Variants in CDH11 observed in about 807,000 individuals in gnomAD.
CDH11 encodes cadherin 11.
In CDH11, 11 loss-of-function variants were observed where a neutral mutation model predicts 67.8. The observed-to-expected ratio is 0.16, with a 90% CI of 0.10 to 0.27. The LOEUF is 0.27. CDH11 is among the 10% of genes least tolerant of loss of function. The pLI is 1.00. For synonymous variants in CDH11, 419 were observed against 400.0 expected (o/e 1.05, Z -0.57); for missense variants, 847 against 1,031.2 (o/e 0.82, Z 2.45).
At chr16:65,095,658 C>G (rs2074877236) in intron 1 of CDH11, among the ~76,000 whole-genome samples, 1 of 152,098 alleles carries the variant, frequency 6.6e-6, no homozygotes, top group Admixed American at 6.5e-5. Context: ...AGCTACAATC[C>G]CATCTGTGGA....
chr16:65,008,929 A>AT, intron 2 of CDH11, among the ~76,000 whole-genome samples: 1 of 152,132 alleles, frequency 6.6e-6, no homozygotes, highest in Non-Finnish European at 1.5e-5. Flanking sequence ...CATGTTTTCC[A>AT]TGAGTTGAGT....
At chr16:65,100,655 G>A (rs956244179) in intron 1 of CDH11, among the ~76,000 whole-genome samples, 10 of 150,760 alleles carry the variant, frequency 6.6e-5, no homozygotes, top group Non-Finnish European at 1.3e-4. Context: ...GGAGAATGAC[G>A]TGAACCCAGG....
rs2071160203 is a variant in CDH11 at position 64,944,424 on chromosome 16, G to GCT, written c.*3178_*3179insAG. On this transcript the variant is annotated 3_prime_UTR_variant, in exon 13 of 13. Coordinates refer to ENST00000268603, the MANE Select transcript of CDH11 (RefSeq NM_001797.4). The stretch of plus-strand genomic sequence containing the variant: ...TTGACCTTTGCAAAAGCCCTCCTGG[G>GCT]GCACACCTCTGGGTTTATATGCTCC... The GCT allele has an allele frequency of 4.3e-6, 1 of 232,700 alleles. No homozygotes were observed. Among genetic ancestry groups the GCT allele is most frequent in the East Asian group, 6.1e-5 (1 of 16,518 alleles). 14.4% of individuals were successfully genotyped at this position (232,700 alleles called of 1,614,324 possible).
At chr16:64,951,110 A>G (rs1350291821) in intron 11 of CDH11, 92 bp from the exon 12 acceptor site, 3 of 1,275,572 alleles carry the variant, frequency 2.4e-6, no homozygotes, top group Non-Finnish European at 3.3e-6. Flanking sequence ...GCACTCTCTT[A>G]TCATAAAGGT....
intron 1 of CDH11, 33 bp from the exon 2 acceptor site, chr16:65,053,961 G>A: frequency 2.2e-6 from 1 of 455,624 alleles, no homozygotes; most frequent in South Asian, 1.6e-5. Context: ...TAGTAACCTA[G>A]TGGTGCCATG....
In CDH11 at chr16:65,099,975, G is replaced by A. The variant is rs373776025; in HGVS notation, c.-298+21905C>T. ...AGAGGGCAGTTAGGAGATTAAGGAC[G>A]CATCTCAGAAGAGAAATGATAAGGG... is the stretch of plus-strand genomic sequence containing the variant. On this transcript the variant is annotated intron_variant, in intron 1 of 12. Transcript: ENST00000268603. Among the ~76,000 whole-genome samples, 67 of 152,258 alleles carry A rather than the reference G, an allele frequency of 4.4e-4. No individual in the cohort carries two copies. The South Asian group carries it at 0.013, about 29-fold the overall frequency.
At chr16:65,065,696 A>G (rs2074302137) in intron 1 of CDH11, among the ~76,000 whole-genome samples, 1 of 152,322 alleles carries the variant, frequency 6.6e-6, no homozygotes, top group Non-Finnish European at 1.5e-5. Context: ...GAGGTGAAGG[A>G]AGGAGATAGA....
intron 2 of CDH11, among the ~76,000 whole-genome samples, chr16:65,020,141 C>T (rs1179238465): frequency 6.6e-6 from 1 of 152,096 alleles, no homozygotes; most frequent in African/African-American, 2.4e-5. Context: ...CCAGCAAAGC[C>T]GGGGACATGG....
chr16:65,111,479 C>T (rs1279124318), intron 1 of CDH11, among the ~76,000 whole-genome samples: 2 of 152,006 alleles, frequency 1.3e-5, no homozygotes, highest in African/African-American at 2.4e-5. Context: ...TGCGGCTTAA[C>T]GGCAGCACAT....
chr16:65,077,852 T>C (rs1719143775), intron 1 of CDH11, among the ~76,000 whole-genome samples: 1 of 152,216 alleles, frequency 6.6e-6, no homozygotes, highest in South Asian at 2.1e-4. Flanking sequence ...ACATCAAAGA[T>C]AAAGAAGACT....
At chr16:65,122,905 A>G (rs560529150), upstream of CDH11, among the ~76,000 whole-genome samples, 30 of 152,174 alleles carry the variant, frequency 2.0e-4, no homozygotes, top group Non-Finnish European at 3.8e-4. Flanking sequence ...CGGTAGTGTC[A>G]CTTGTTGCCA....
At chr16:65,003,084 GTTT>G (rs36008729) in intron 3 of CDH11, among the ~76,000 whole-genome samples, 1 of 117,436 alleles carries the variant, frequency 8.5e-6, no homozygotes, top group Admixed American at 8.4e-5. Context: ...ATCTATCTTT[GTTT>G]TTTTTTTTTT....
chr16:64,974,195 AC>A (rs201663215), intron 8 of CDH11, among the ~76,000 whole-genome samples: 7,595 of 152,142 alleles, frequency 0.05, 271 homozygotes, highest in Non-Finnish European at 0.071. Flanking sequence ...TGAACTCCAA[AC>A]CCCTTCCCTT....
intron 3 of CDH11, among the ~76,000 whole-genome samples, chr16:65,002,001 A>AGCAC (rs1016899362): frequency 3.3e-5 from 5 of 152,218 alleles, no homozygotes; most frequent in Non-Finnish European, 7.3e-5. Flanking sequence ...GGGCATCTTA[A>AGCAC]GCACTCAACC....
At chr16:65,012,025 C>G (rs2073194227) in intron 2 of CDH11, among the ~76,000 whole-genome samples, 1 of 152,200 alleles carries the variant, frequency 6.6e-6, no homozygotes, top group Non-Finnish European at 1.5e-5. Flanking sequence ...TGAGGATACA[C>G]AGGCATCAAT....
chr16:64,947,801 G>A lies in CDH11; in HGVS notation c.2193C>T (p.Asp731=). 1 of 1,614,156 alleles carries A rather than the reference G, an allele frequency of 6.2e-7. No individual in the cohort carries two copies. The highest frequency in any genetic ancestry group is 8.5e-7 in the Non-Finnish European group (1 of 1,180,018). ...TGGAGTCATAAGGAGGAGCCGTGGG[G>A]TCATTGTCTGCCTCCTGTATTCTCG... ...INTRIQEADN[D]PTAPPYDSIQ... Residue 731 remains aspartate (D), a synonymous_variant, in exon 13 of 13, where the codon GAC becomes GAT. Transcript: ENST00000268603.
chr16:64,952,280 A>G (rs1248607959), intron 11 of CDH11, among the ~76,000 whole-genome samples: 3 of 152,204 alleles, frequency 2.0e-5, no homozygotes, highest in African/African-American at 7.2e-5. Flanking sequence ...AGAAATACAT[A>G]ACCTACTCTT....
intron 1 of CDH11, among the ~76,000 whole-genome samples, chr16:65,062,656 C>A (rs1397047071): frequency 6.6e-6 from 1 of 152,194 alleles, no homozygotes; most frequent in Non-Finnish European, 1.5e-5. Context: ...TCTGAAGACA[C>A]AAGCTGTACA....
At chr16:65,099,097 T>TGATG (rs1314160560) in intron 1 of CDH11, among the ~76,000 whole-genome samples, 7 of 152,190 alleles carry the variant, frequency 4.6e-5, no homozygotes, top group Non-Finnish European at 8.8e-5. Flanking sequence ...AAACTGGGTA[T>TGATG]GATGACTTGT....
Sources: gnomAD v4.1 joint callset for allele counts (sites outside exome capture counted in the v4.1 genomes callset) on GRCh38, gnomAD v4.1.1 for gene constraint, MANE v1.5 for transcripts, NCBI Gene and HGNC (gene_info 2026-07-23, HGNC 2026-07-21) for gene names.